The following MSRA variants were observed in gnomAD, a reference collection of about 807,000 sequenced individuals.
MSRA encodes methionine sulfoxide reductase A.
In MSRA, 54 loss-of-function variants were observed where a neutral mutation model predicts 31.3. The ratio of observed to expected loss-of-function variants is 1.73; its 90% CI spans 1.39 to 2.17. MSRA has a LOEUF of 2.17. Ranked by LOEUF, MSRA falls within the 30% of genes most tolerant of loss-of-function variation. The pLI is 0.00. For synonymous variants in MSRA, 169 were observed against 116.5 expected (o/e 1.45, Z -2.90); for missense variants, 507 against 300.9 (o/e 1.69, Z -5.07).
At chr8:10,071,173 G>A (rs932573948) in intron 1 of MSRA, among the ~76,000 whole-genome samples, 6 of 152,190 alleles carry the variant, frequency 3.9e-5, no homozygotes, top group Non-Finnish European at 5.9e-5. Flanking sequence ...TGGTGGTAGT[G>A]TCACTGTTTT....
At chr8:10,338,765 T>C (rs377414669) in intron 5 of MSRA, among the ~76,000 whole-genome samples, 1 of 152,194 alleles carries the variant, frequency 6.6e-6, no homozygotes, top group African/African-American at 2.4e-5. Context: ...TAATGGACTT[T>C]TGTGGTGCTT....
chr8:10,313,867 G>A (rs2129133717), intron 4 of MSRA, among the ~76,000 whole-genome samples: 1 of 152,296 alleles, frequency 6.6e-6, no homozygotes, highest in South Asian at 2.1e-4. Context: ...ACCCACTCAT[G>A]TCAAAGTATG....
intron 3 of MSRA, among the ~76,000 whole-genome samples, chr8:10,291,386 G>T (rs772211682): frequency 1.8e-4 from 27 of 147,698 alleles, no homozygotes; most frequent in Admixed American, 5.4e-4. Context: ...TATGTTTCTC[G>T]TCGGACACTT....
At chr8:10,123,590 G>C (rs2129019281) in intron 1 of MSRA, among the ~76,000 whole-genome samples, 1 of 152,000 alleles carries the variant, frequency 6.6e-6, no homozygotes, top group East Asian at 1.9e-4. Flanking sequence ...TGAAATCTTT[G>C]CCCATTCCTA....
chr8:10,212,807 G>C (rs755088243), intron 2 of MSRA, among the ~76,000 whole-genome samples: 1 of 152,120 alleles, frequency 6.6e-6, no homozygotes, highest in Non-Finnish European at 1.5e-5. Flanking sequence ...CAATTACTGA[G>C]AATTGACTTT....
intron 5 of MSRA, among the ~76,000 whole-genome samples, chr8:10,346,003 C>G (rs1298160261): frequency 6.6e-6 from 1 of 152,168 alleles, no homozygotes; most frequent in Non-Finnish European, 1.5e-5. Flanking sequence ...CCATTCCTAC[C>G]TTCCTAGTGT....
chr8:10,335,302 G>T (rs1389248343), intron 5 of MSRA, among the ~76,000 whole-genome samples: 3 of 113,492 alleles, frequency 2.6e-5, no homozygotes, highest in African/African-American at 1.1e-4. Flanking sequence ...ATCCGGCCCT[G>T]TGACCCTTTC....
At chr8:10,347,027 C>G (rs1020961692) in intron 5 of MSRA, among the ~76,000 whole-genome samples, 1 of 152,160 alleles carries the variant, frequency 6.6e-6, no homozygotes, top group African/African-American at 2.4e-5. Flanking sequence ...CTTTCCACAC[C>G]CCATCATTCT....
chr8:10,156,681 C>G lies in MSRA; in HGVS notation c.143-51152C>G, dbSNP rs188858567. Among the ~76,000 whole-genome samples the G allele has an allele frequency of 2.5e-3, 383 of 152,200 alleles. 4 individuals are homozygous for G. The highest frequency in any genetic ancestry group is 8.6e-3 in the Admixed American group (131 of 15,254). ...TTTCTGCAAGATGAGCATATTCTTC[C>G]TCCACTGCCCCTACCAGAGAAATGT... On this transcript the variant is annotated intron_variant, in intron 1 of 5. Transcript: ENST00000317173.
In MSRA at chr8:10,323,026, G is replaced by A. The variant is rs201458917; in HGVS notation, c.543+3037G>A. 8.9e-5 allele frequency among the ~76,000 whole-genome samples: 13 copies of A among 146,596 alleles called. No individual in the cohort carries two copies. In the East Asian group the frequency reaches 2.3e-3, roughly 26 times the overall value. On this transcript the variant is annotated intron_variant, in intron 5 of 5. Coordinates refer to ENST00000317173, the MANE Select transcript of MSRA (RefSeq NM_012331.5). ...AAATGCTTGAACCCAGGAAGCAAAG[G>A]TTGCACTGAGCTGAGATTGCATTAC...
At chr8:10,254,277 T>A (rs1798065791) in intron 3 of MSRA, among the ~76,000 whole-genome samples, 1 of 152,182 alleles carries the variant, frequency 6.6e-6, no homozygotes, top group Non-Finnish European at 1.5e-5. Context: ...TTGAACTCTT[T>A]TATTTATAGT....
chr8:10,415,262 A>G (rs1428210029), intron 5 of MSRA, among the ~76,000 whole-genome samples: 3 of 152,158 alleles, frequency 2.0e-5, no homozygotes, highest in African/African-American at 4.8e-5. Context: ...TTCCCCTTGC[A>G]TCTAGGAAGT....
At chr8:10,221,813 T>C (rs1324389991) in intron 2 of MSRA, among the ~76,000 whole-genome samples, 1 of 152,028 alleles carries the variant, frequency 6.6e-6, no homozygotes, top group Non-Finnish European at 1.5e-5. Flanking sequence ...GAAGGAAAAA[T>C]ACCTGAGACA....
intron 5 of MSRA, among the ~76,000 whole-genome samples, 153 bp from the exon 6 acceptor site, chr8:10,427,995 C>T (rs1282658968): frequency 3.9e-5 from 6 of 152,192 alleles, no homozygotes; most frequent in Non-Finnish European, 8.8e-5. Flanking sequence ...AGCGTCACTC[C>T]ACTTGGAATG....
intron 3 of MSRA, among the ~76,000 whole-genome samples, chr8:10,275,264 C>T (rs1799263225): frequency 6.6e-6 from 1 of 152,110 alleles, no homozygotes; most frequent in South Asian, 2.1e-4. Flanking sequence ...AAGATAATTC[C>T]ATACGATCAA....
intron 5 of MSRA, among the ~76,000 whole-genome samples, chr8:10,422,417 C>G (rs956806616): frequency 6.6e-6 from 1 of 152,166 alleles, no homozygotes; most frequent in East Asian, 1.9e-4. Flanking sequence ...AAAATGACAA[C>G]AGAAGGAAGG....
intron 1 of MSRA, among the ~76,000 whole-genome samples, chr8:10,073,173 C>T (rs1369360815): frequency 1.3e-5 from 2 of 152,182 alleles, no homozygotes; most frequent in Non-Finnish European, 2.9e-5. Context: ...TGAGAGCAGA[C>T]ATGCTTACTT....
intron 5 of MSRA, among the ~76,000 whole-genome samples, chr8:10,349,886 A>G (rs1804016971): frequency 6.6e-6 from 1 of 152,198 alleles, no homozygotes; most frequent in Non-Finnish European, 1.5e-5. Flanking sequence ...GCCCAAGGGC[A>G]TTGAGGGGCC....
chr8:10,247,682 A>C (rs1336051248), intron 3 of MSRA, among the ~76,000 whole-genome samples: 2 of 152,158 alleles, frequency 1.3e-5, no homozygotes, highest in African/African-American at 4.8e-5. Context: ...ATTGGGAAGC[A>C]TGGTTGTCAT....
Sources: allele counts gnomAD v4.1 joint callset (sites outside exome capture counted in the v4.1 genomes callset), GRCh38; gene constraint gnomAD v4.1.1; transcripts MANE v1.5; gene names NCBI Gene and HGNC (gene_info 2026-07-23, HGNC 2026-07-21).